Variants in GRIK2 observed in about 807,000 individuals in gnomAD.
GRIK2 encodes glutamate ionotropic receptor kainate type subunit 2, also known as glutamate receptor ionotropic, kainate 2.
In GRIK2, 32 loss-of-function variants were observed where a neutral mutation model predicts 100.3. The observed-to-expected ratio is 0.32, with a 90% confidence interval of 0.24 to 0.43. GRIK2 has a LOEUF of 0.43. GRIK2 is among the 20% of genes least tolerant of loss of function. GRIK2 has a pLI of 1.00. For synonymous variants in GRIK2, 417 were observed against 389.4 expected (o/e 1.07, Z -0.83); for missense variants, 843 against 1,114.9 (o/e 0.76, Z 3.47).
intron 7 of GRIK2, among the ~76,000 whole-genome samples, chr6:101,757,014 T>C (rs1357945909): frequency 2.0e-5 from 3 of 152,162 alleles, no homozygotes; most frequent in Non-Finnish European, 4.4e-5. Flanking sequence ...AGTAATTACT[T>C]TGTAAAAACT....
intron 7 of GRIK2, among the ~76,000 whole-genome samples, chr6:101,795,998 A>G (rs189827827): frequency 6.6e-6 from 1 of 152,226 alleles, no homozygotes; most frequent in Non-Finnish European, 1.5e-5. Context: ...AGATTTATGC[A>G]TTCAAGTGCT....
intron 7 of GRIK2, among the ~76,000 whole-genome samples, chr6:101,791,868 T>G (rs1461835685): frequency 1.3e-5 from 2 of 151,724 alleles, no homozygotes; most frequent in African/African-American, 4.9e-5. Context: ...CACTCAGGAC[T>G]TGCTTTATGA....
intron 4 of GRIK2, among the ~76,000 whole-genome samples, chr6:101,658,796 A>G (rs1362638693): frequency 6.6e-6 from 1 of 152,078 alleles, no homozygotes; most frequent in Non-Finnish European, 1.5e-5. Flanking sequence ...GCTTTTTTTC[A>G]TATATTTGTT....
chr6:101,670,278 T>C (rs540748744), intron 4 of GRIK2, among the ~76,000 whole-genome samples: 1 of 152,232 alleles, frequency 6.6e-6, no homozygotes, highest in African/African-American at 2.4e-5. Flanking sequence ...AATGAATGAA[T>C]GAAGATAACA....
rs181665954 is a variant in GRIK2 at position 101,443,645 on chromosome 6, G to A, written c.115+44253G>A. 4.0e-4 allele frequency among the ~76,000 whole-genome samples: 61 copies of A among 152,044 alleles called. No homozygotes were observed. The Middle Eastern group carries it at 0.017, about 42-fold the overall frequency. On this transcript the variant is annotated intron_variant, in intron 2 of 16. Transcript: ENST00000369134. ...ATGATTAATATTATTATATATCAGT[G>A]AAAATTATTTCTGAAACTTTTAGTA...
intron 2 of GRIK2, among the ~76,000 whole-genome samples, chr6:101,400,140 C>T (rs1021416613): frequency 2.0e-5 from 3 of 149,798 alleles, no homozygotes; most frequent in African/African-American, 7.4e-5. Context: ...GTATCTGGGG[C>T]GGTGGGGAAG....
intron 12 of GRIK2, among the ~76,000 whole-genome samples, chr6:101,896,931 T>C (rs376309534): frequency 6.6e-6 from 1 of 151,804 alleles, no homozygotes; most frequent in Non-Finnish European, 1.5e-5. Context: ...TAAATTCTTA[T>C]ATTTGCTACC....
At chr6:101,398,915 C>T (rs114428266) in intron 1 of GRIK2, 70 bp from the exon 2 acceptor site, 305 of 425,224 alleles carry the variant, frequency 7.2e-4, no homozygotes, top group African/African-American at 5.4e-3. Context: ...GGCTGTGGCT[C>T]GCTATCGACA....
chr6:101,940,777 T>C (rs1267245202), intron 14 of GRIK2, among the ~76,000 whole-genome samples: 1 of 152,198 alleles, frequency 6.6e-6, no homozygotes, highest in African/African-American at 2.4e-5. Flanking sequence ...TAGATTTTTA[T>C]TTTCTTATGG....
chr6:101,754,171 CTTTTATT>C (rs1776977957), intron 7 of GRIK2, among the ~76,000 whole-genome samples: 1 of 151,654 alleles, frequency 6.6e-6, no homozygotes, highest in Non-Finnish European at 1.5e-5. Context: ...GATTTATCTT[CTTTTATT>C]ATGTATTTTC....
chr6:101,579,252 A>C (rs1400039911), intron 2 of GRIK2, among the ~76,000 whole-genome samples: 1 of 152,180 alleles, frequency 6.6e-6, no homozygotes, highest in Non-Finnish European at 1.5e-5. Flanking sequence ...GAACTTAGAA[A>C]GCAGCAGTTA....
At chr6:102,006,871 G>GTAACA (rs774997011) in intron 14 of GRIK2, among the ~76,000 whole-genome samples, 23 of 151,760 alleles carry the variant, frequency 1.5e-4, no homozygotes, top group African/African-American at 3.6e-4. Flanking sequence ...TCATGTTCGT[G>GTAACA]TAACATACAT....
At position 101,473,900 on chromosome 6, in the gene GRIK2, CAT is replaced by C. The variant is rs558807809; in HGVS notation, c.115+74509_115+74510del. Among the ~76,000 whole-genome samples, 6 of 151,982 alleles carry C rather than the reference CAT, an allele frequency of 3.9e-5. 1 individual carries two copies. In the East Asian group the frequency reaches 7.7e-4, roughly 20 times the overall value. On this transcript the variant is annotated intron_variant, in intron 2 of 16. Coordinates refer to ENST00000369134, the MANE Select transcript of GRIK2 (RefSeq NM_021956.5). The stretch of plus-strand genomic sequence containing the variant: ...TATTTTACACATTGCAAATTAAACT[CAT>C]GTAAAATTTTGTGGGAATATTGGAC...
At chr6:101,808,228 A>G (rs1216025104) in intron 9 of GRIK2, among the ~76,000 whole-genome samples, 1 of 152,046 alleles carries the variant, frequency 6.6e-6, no homozygotes, top group African/African-American at 2.4e-5. Context: ...AAAGAGTTGG[A>G]AGAGTTCCAC....
At chr6:102,001,089 A>G (rs576053635) in intron 14 of GRIK2, among the ~76,000 whole-genome samples, 18 of 152,224 alleles carry the variant, frequency 1.2e-4, no homozygotes, top group African/African-American at 4.3e-4. Flanking sequence ...AGTGAAAGTC[A>G]TTATTTGCCA....
intron 14 of GRIK2, among the ~76,000 whole-genome samples, chr6:101,939,433 C>G (rs544211467): frequency 1.3e-5 from 2 of 151,950 alleles, no homozygotes; most frequent in African/African-American, 4.8e-5. Flanking sequence ...CAGATGAAAC[C>G]ATTTCCCCCA....
At chr6:101,874,264 A>G in intron 11 of GRIK2, among the ~76,000 whole-genome samples, 1 of 151,984 alleles carries the variant, frequency 6.6e-6, no homozygotes. Flanking sequence ...ATCGTGAATT[A>G]ATTTTTGTAT....
chr6:101,936,820 AG>A (rs1790648004), intron 14 of GRIK2, among the ~76,000 whole-genome samples: 1 of 152,194 alleles, frequency 6.6e-6, no homozygotes, highest in Admixed American at 6.6e-5. Flanking sequence ...CCTATGGGAA[AG>A]AAAGTGCTTC....
chr6:101,544,389 T>C lies in GRIK2; in HGVS notation c.116-77560T>C, dbSNP rs77017498. On this transcript the variant is annotated intron_variant, in intron 2 of 16. Coordinates refer to ENST00000369134, the MANE Select transcript of GRIK2 (RefSeq NM_021956.5). ...TAATACAAAGCTGAATGAAACTCCA[T>C]GAGAATTATATTTCCCTATCGAACT... Among the ~76,000 whole-genome samples the C allele has an allele frequency of 7.9e-3, 1,202 of 152,274 alleles. 18 individuals carry two copies. The highest frequency in any genetic ancestry group is 0.028 in the African/African-American group (1,163 of 41,550).
Sources: gnomAD v4.1 joint callset for allele counts (sites outside exome capture counted in the v4.1 genomes callset) on GRCh38, gnomAD v4.1.1 for gene constraint, MANE v1.5 for transcripts, NCBI Gene and HGNC (gene_info 2026-07-23, HGNC 2026-07-21) for gene names.